SLC44A5: variants seen among roughly 807,000 people sequenced by gnomAD.
SLC44A5 encodes solute carrier family 44 member 5, also known as choline transporter-like protein 5.
In SLC44A5, 57 loss-of-function variants were observed where a neutral mutation model predicts 101.8. The observed-to-expected ratio is 0.56, with a 90% CI of 0.45 to 0.70. The LOEUF (loss-of-function observed/expected upper bound fraction) is 0.70, where lower values mean the gene tolerates loss of function less well. Among genes scored for constraint, SLC44A5 ranks in the 30% least tolerant of loss-of-function variants. The pLI, the probability that SLC44A5 is intolerant of heterozygous loss-of-function variation, is 0.00. For synonymous variants in SLC44A5, 281 were observed against 290.9 expected, an observed-to-expected ratio of 0.97 and a Z score of 0.35; for missense variants, 737 against 853.1, an observed-to-expected ratio of 0.86 and a Z score of 1.70.
chr1:75,514,612 T>C (rs943817304), intron 2 of SLC44A5, among the ~76,000 whole-genome samples: 2 of 152,262 alleles, frequency 1.3e-5, no homozygotes, highest in Non-Finnish European at 2.9e-5. Context: ...AATTAGTGTC[T>C]TTAAACACAC....
intron 5 of SLC44A5, among the ~76,000 whole-genome samples, chr1:75,291,008 G>A (rs74405419): frequency 0.058 from 8,841 of 152,216 alleles, 301 homozygotes; most frequent in Middle Eastern, 0.13. Context: ...CTTAAAACAG[G>A]TTTGCAGAAA....
intron 3 of SLC44A5, among the ~76,000 whole-genome samples, chr1:75,367,687 G>T (rs1293820273): frequency 6.6e-6 from 1 of 152,160 alleles, no homozygotes; most frequent in South Asian, 2.1e-4. Context: ...GGCCAAATGG[G>T]GCTGTAGCAG....
chr1:75,354,763 T>C (rs1436275016), intron 3 of SLC44A5, among the ~76,000 whole-genome samples: 2 of 152,184 alleles, frequency 1.3e-5, no homozygotes, highest in Non-Finnish European at 2.9e-5. Flanking sequence ...TAAAACCTCC[T>C]AGGTCTTCTT....
chr1:75,418,808 G>C (rs1267707783), intron 2 of SLC44A5, among the ~76,000 whole-genome samples: 1 of 152,112 alleles, frequency 6.6e-6, no homozygotes, highest in Non-Finnish European at 1.5e-5. Context: ...TTTTTGAATT[G>C]ATTAAAAGTA....
chr1:75,457,437 G>T (rs1340958762), intron 2 of SLC44A5, among the ~76,000 whole-genome samples: 5 of 152,188 alleles, frequency 3.3e-5, no homozygotes, highest in African/African-American at 4.8e-5. Context: ...AAGTCAAGCT[G>T]CAGTCTTAAA....
intron 21 of SLC44A5, 36 bp downstream of exon 21, chr1:75,213,883 A>AAT: frequency 7.1e-7 from 1 of 1,398,936 alleles, no homozygotes; most frequent in Non-Finnish European, 9.9e-7. Context: ...CATCTTTTAA[A>AAT]CTTTTTTTTT....
intron 9 of SLC44A5, 100 bp from the exon 10 acceptor site, chr1:75,238,736 G>C: frequency 1.3e-6 from 1 of 757,886 alleles, no homozygotes; most frequent in Non-Finnish European, 1.9e-6. Context: ...TCAAATTCTT[G>C]CTAGGCATGC....
chr1:75,470,329 T>C (rs1256955824), intron 2 of SLC44A5, among the ~76,000 whole-genome samples: 1 of 152,164 alleles, frequency 6.6e-6, no homozygotes, highest in African/African-American at 2.4e-5. Context: ...ACCAAGTGAA[T>C]GTACAGTTGT....
At chr1:75,645,425 C>A in the SLC44A5 span, among the ~76,000 whole-genome samples, 1 of 152,032 alleles carries the variant, frequency 6.6e-6, no homozygotes, top group African/African-American at 2.4e-5. Context: ...TAAATGTCTT[C>A]TTTTGAGAAG....
chr1:75,640,903 T>C, the SLC44A5 span, among the ~76,000 whole-genome samples: 4 of 152,064 alleles, frequency 2.6e-5, no homozygotes, highest in African/African-American at 9.7e-5. Flanking sequence ...TCTTTCCTCT[T>C]GGAAAATATT....
At chr1:75,585,045 T>C (rs979566523) in intron 1 of SLC44A5, among the ~76,000 whole-genome samples, 1 of 152,222 alleles carries the variant, frequency 6.6e-6, no homozygotes, top group African/African-American at 2.4e-5. Flanking sequence ...AGCCAGAAAG[T>C]CAGAAAGCCT....
chr1:75,217,534 G>A (rs1646987219), intron 18 of SLC44A5, among the ~76,000 whole-genome samples: 1 of 151,996 alleles, frequency 6.6e-6, no homozygotes, highest in Non-Finnish European at 1.5e-5. Flanking sequence ...TATATACTTG[G>A]AACTGCCAAC....
At position 75,455,061 on chromosome 1, in the gene SLC44A5, C is replaced by A. The variant is rs140562582; in HGVS notation, c.14-58440G>T. 2.5e-3 allele frequency among the ~76,000 whole-genome samples: 373 copies of A among 152,048 alleles called. 2 individuals carry two copies. Among genetic ancestry groups the A allele is most frequent in the African/African-American group, 8.5e-3 (353 of 41,494 alleles). On this transcript the variant is annotated intron_variant, in intron 2 of 23. Coordinates refer to ENST00000370859, the MANE Select transcript of SLC44A5 (RefSeq NM_001130058.2). ...GGAACACAAAAAGAGCCCAAATAGC[C>A]CAGACAATTCTAAGCAAAAAGAACA...
At chr1:75,319,055 TA>T (rs1321928513) in intron 4 of SLC44A5, among the ~76,000 whole-genome samples, 1 of 152,130 alleles carries the variant, frequency 6.6e-6, no homozygotes, top group Non-Finnish European at 1.5e-5. Context: ...TCAAGACTAT[TA>T]AATAATAAGG....
intron 2 of SLC44A5, among the ~76,000 whole-genome samples, chr1:75,476,214 G>A (rs918992687): frequency 6.6e-6 from 1 of 151,930 alleles, no homozygotes; most frequent in African/African-American, 2.4e-5. Flanking sequence ...TATATAGAAA[G>A]TTATCAAGAT....
At chr1:75,640,580 C>T in the SLC44A5 span, among the ~76,000 whole-genome samples, 12 of 151,912 alleles carry the variant, frequency 7.9e-5, no homozygotes, top group Non-Finnish European at 1.6e-4. Context: ...AGTGATTCTA[C>T]CTCTCATTCT....
intron 1 of SLC44A5, among the ~76,000 whole-genome samples, chr1:75,593,656 T>C (rs914186395): frequency 6.6e-6 from 1 of 152,048 alleles, no homozygotes; most frequent in Non-Finnish European, 1.5e-5. Flanking sequence ...TATTCAGCCA[T>C]AAAAAAGGAT....
chr1:75,598,875 G>A lies in SLC44A5; in HGVS notation c.-70+12165C>T, dbSNP rs555499209. ...AATAACCTGTACAACAAACCCCCAT[G>A]ACACAAGTTCACCTATGTAACAAAC... On this transcript the variant is annotated intron_variant, in intron 1 of 23. Coordinates refer to ENST00000370859, the MANE Select transcript of SLC44A5 (RefSeq NM_001130058.2). Among the ~76,000 whole-genome samples the A allele has an allele frequency of 4.6e-5, 7 of 152,118 alleles. 1 individual carries two copies. The highest frequency in any genetic ancestry group is 1.7e-4 in the African/African-American group (7 of 41,502).
At chr1:75,207,760 C>T (rs867731661) in intron 23 of SLC44A5, among the ~76,000 whole-genome samples, 9 of 152,230 alleles carry the variant, frequency 5.9e-5, no homozygotes, top group Middle Eastern at 3.4e-3. Flanking sequence ...TTTAGTTACC[C>T]AAGGTCCAGA....
Sources: gnomAD v4.1 joint callset for allele counts (sites outside exome capture counted in the v4.1 genomes callset) on GRCh38, gnomAD v4.1.1 for gene constraint, MANE v1.5 for transcripts, NCBI Gene and HGNC (gene_info 2026-07-23, HGNC 2026-07-21) for gene names.